The following SLC9A7 variants were observed in gnomAD, a reference collection of about 807,000 sequenced individuals.
SLC9A7 encodes the protein solute carrier family 9 member A7.
A neutral mutation model predicts 52.6 loss-of-function variants in SLC9A7; 19 were observed. The observed-to-expected ratio is 0.36, with a 90% CI of 0.25 to 0.53. SLC9A7 has a LOEUF of 0.53. SLC9A7 is among the 20% of genes least tolerant of loss of function. The pLI is 0.91. For synonymous variants in SLC9A7, 226 were observed against 252.1 expected, an observed-to-expected ratio of 0.90 and a Z score of 0.98; for missense variants, 455 against 597.9, an observed-to-expected ratio of 0.76 and a Z score of 2.49.
At chrX:46,730,343 GAAC>G (rs1306986845) in intron 1 of SLC9A7, among the ~76,000 whole-genome samples, 2 of 109,720 alleles carry the variant, frequency 1.8e-5, no homozygotes, top group East Asian at 2.9e-4. Flanking sequence ...AGGAAATCTA[GAAC>G]AACAATAGAG....
intron 1 of SLC9A7, among the ~76,000 whole-genome samples, chrX:46,726,360 T>C (rs922515480): frequency 5.3e-5 from 6 of 112,212 alleles, no homozygotes; most frequent in Non-Finnish European, 1.1e-4. Flanking sequence ...TTAAAATGTT[T>C]AAACAGCTAA....
intron 1 of SLC9A7, among the ~76,000 whole-genome samples, chrX:46,695,606 C>A (rs1000446401): frequency 8.4e-4 from 94 of 111,793 alleles, no homozygotes; most frequent in African/African-American, 2.8e-3. Context: ...AGGCTAGGTT[C>A]CAAGGCTTTG....
At chrX:46,734,740 T>C (rs1412295418) in intron 1 of SLC9A7, among the ~76,000 whole-genome samples, 1 of 111,090 alleles carries the variant, frequency 9.0e-6, no homozygotes, top group African/African-American at 3.3e-5. Context: ...ATCAATTTTA[T>C]TGAGTTATAA....
Position 46,708,148 on chromosome X carries a change from A to T in SLC9A7, c.326-25613T>A, listed in dbSNP as rs187222644. On this transcript the variant is annotated intron_variant, in intron 1 of 16. Coordinates refer to ENST00000616978, the MANE Select transcript of SLC9A7 (RefSeq NM_001257291.2). ...AACATAACAAGACCCTGTCTCAAAAATTTTTTTAAAAAAGAAAAATTAAGC... is the reference window on the plus strand; with the variant it reads ...AACATAACAAGACCCTGTCTCAAAATTTTTTTTAAAAAAGAAAAATTAAGC... Among the ~76,000 whole-genome samples, 23 of 112,327 alleles carry T rather than the reference A, an allele frequency of 2.0e-4. No individual in the cohort carries two copies. In the East Asian group the frequency reaches 5.6e-3, roughly 27 times the overall value.
intron 1 of SLC9A7, among the ~76,000 whole-genome samples, chrX:46,695,196 AT>A (rs1427846043): frequency 8.9e-6 from 1 of 112,656 alleles, no homozygotes; most frequent in Non-Finnish European, 1.9e-5. Context: ...TGATATGTAA[AT>A]TATATGTCAA....
chrX:46,746,825 A>T (rs1239572654), intron 1 of SLC9A7, among the ~76,000 whole-genome samples: 2 of 112,792 alleles, frequency 1.8e-5, no homozygotes, highest in Non-Finnish European at 3.7e-5. Flanking sequence ...AATATAATAA[A>T]GAAACATGTG....
intron 1 of SLC9A7, among the ~76,000 whole-genome samples, chrX:46,707,231 G>A (rs148550317): frequency 0.013 from 1,437 of 112,338 alleles, 20 homozygotes; most frequent in African/African-American, 0.043. Flanking sequence ...AAGATCTGTT[G>A]ATCTGATCTC....
intron 14 of SLC9A7, among the ~76,000 whole-genome samples, chrX:46,626,718 G>A (rs746581739): frequency 8.9e-6 from 1 of 111,808 alleles, no homozygotes; most frequent in Non-Finnish European, 1.9e-5. Context: ...TAGTGAGTGA[G>A]TTCTCACGAG....
chrX:46,670,987 C>T (rs1944009356), intron 4 of SLC9A7, among the ~76,000 whole-genome samples: 1 of 111,481 alleles, frequency 9.0e-6, no homozygotes, highest in Non-Finnish European at 1.9e-5. Context: ...ATCACTAATG[C>T]CAGTTATGTA....
At chrX:46,611,017 T>C (rs1215115972) in intron 16 of SLC9A7, among the ~76,000 whole-genome samples, 6 of 111,830 alleles carry the variant, frequency 5.4e-5, no homozygotes, top group African/African-American at 2.0e-4. Context: ...AATTTATATA[T>C]ATAAACCCAG....
intron 16 of SLC9A7, among the ~76,000 whole-genome samples, chrX:46,612,878 T>C (rs1162995189): frequency 1.1e-5 from 1 of 91,305 alleles, no homozygotes; most frequent in African/African-American, 4.2e-5. Context: ...TGAGCCGAGA[T>C]TGTACCACTG....
At chrX:46,733,173 A>G (rs1474545216) in intron 1 of SLC9A7, among the ~76,000 whole-genome samples, 1 of 112,207 alleles carries the variant, frequency 8.9e-6, no homozygotes, top group Non-Finnish European at 1.9e-5. Context: ...TTATATGTAG[A>G]CCATGTAAAT....
intron 3 of SLC9A7, among the ~76,000 whole-genome samples, chrX:46,676,618 T>C: frequency 8.9e-6 from 1 of 112,261 alleles, no homozygotes; most frequent in Non-Finnish European, 1.9e-5. Context: ...TAACTGATTA[T>C]ACATTAAGAT....
At chrX:46,663,632 C>T (rs1350408073) in intron 5 of SLC9A7, among the ~76,000 whole-genome samples, 1 of 74,558 alleles carries the variant, frequency 1.3e-5, no homozygotes, top group Non-Finnish European at 2.6e-5. Context: ...GAGTGAAACT[C>T]CATCTCAAAA....
chrX:46,656,032 G>A (rs1393091696), intron 7 of SLC9A7, among the ~76,000 whole-genome samples: 7 of 111,153 alleles, frequency 6.3e-5, no homozygotes, highest in Non-Finnish European at 1.3e-4. Context: ...TCTGAGAACG[G>A]GCAGACTGCC....
intron 1 of SLC9A7, among the ~76,000 whole-genome samples, chrX:46,755,965 C>T (rs868914855): frequency 1.8e-5 from 2 of 109,387 alleles, no homozygotes; most frequent in African/African-American, 6.7e-5. Context: ...GCATGTCCTT[C>T]CAGAGATATT....
chrX:46,680,141 G>A (rs1944187942), intron 2 of SLC9A7, among the ~76,000 whole-genome samples: 2 of 110,663 alleles, frequency 1.8e-5, no homozygotes, highest in African/African-American at 6.6e-5. Context: ...ACAAGGTCAG[G>A]AGTTCGAGAC....
chrX:46,675,233 CTTT>C (rs1374137300), intron 3 of SLC9A7, among the ~76,000 whole-genome samples: 2 of 109,971 alleles, frequency 1.8e-5, no homozygotes, highest in Non-Finnish European at 3.8e-5. Context: ...CCAATGAGAA[CTTT>C]TTCAAGTCAG....
intron 3 of SLC9A7, among the ~76,000 whole-genome samples, chrX:46,675,694 C>A (rs1292531483): frequency 8.9e-6 from 1 of 112,268 alleles, no homozygotes; most frequent in South Asian, 3.7e-4. Flanking sequence ...TTTTCTCCTG[C>A]CTTTTTGAAG....
Sources: gnomAD v4.1 joint callset for allele counts (sites outside exome capture counted in the v4.1 genomes callset) on GRCh38, gnomAD v4.1.1 for gene constraint, MANE v1.5 for transcripts, NCBI Gene and HGNC (gene_info 2026-07-23, HGNC 2026-07-21) for gene names.